The following IMMP2L variants were observed in gnomAD, a reference collection of about 807,000 sequenced individuals.
IMMP2L encodes the protein inner mitochondrial membrane peptidase subunit 2.
Under a neutral mutation model 19.3 loss-of-function variants are expected in IMMP2L, and 18 were observed. That is an observed-to-expected ratio of 0.93 (90% confidence interval 0.64 to 1.38). The LOEUF (loss-of-function observed/expected upper bound fraction) is 1.38, where lower values mean the gene tolerates loss of function less well. Ranked by LOEUF, IMMP2L falls within the 40% of genes most tolerant of loss-of-function variation. The pLI is 0.00. For synonymous variants in IMMP2L, 76 were observed against 73.0 expected (o/e 1.04, Z -0.21); for missense variants, 233 against 218.2 (o/e 1.07, Z -0.43).
chr7:111,492,587 A>G (rs10251897), intron 2 of IMMP2L, among the ~76,000 whole-genome samples: 15,904 of 152,234 alleles, frequency 0.1, 1,137 homozygotes, highest in African/African-American at 0.19. Flanking sequence ...TGTTCCAACA[A>G]TGGGGATAGA....
intron 3 of IMMP2L, among the ~76,000 whole-genome samples, chr7:111,412,138 C>T (rs113306496): frequency 2.6e-5 from 4 of 151,586 alleles, no homozygotes; most frequent in African/African-American, 9.7e-5. Flanking sequence ...TATTTATGCA[C>T]CTAATAATGA....
At chr7:110,815,901 T>A (rs1247518997) in intron 5 of IMMP2L, among the ~76,000 whole-genome samples, 1 of 152,152 alleles carries the variant, frequency 6.6e-6, no homozygotes, top group East Asian at 1.9e-4. Context: ...ATTTTCTTGA[T>A]CTTTTCAAAA....
intron 4 of IMMP2L, among the ~76,000 whole-genome samples, chr7:110,931,051 G>T (rs993377072): frequency 6.6e-6 from 1 of 152,280 alleles, no homozygotes; most frequent in Non-Finnish European, 1.5e-5. Flanking sequence ...CTGAGGACAG[G>T]AGTGAGAGTT....
At chr7:111,162,351 A>G (rs1309307542) in intron 3 of IMMP2L, among the ~76,000 whole-genome samples, 1 of 152,118 alleles carries the variant, frequency 6.6e-6, no homozygotes, top group Non-Finnish European at 1.5e-5. Flanking sequence ...ACTCATCTCA[A>G]GGAGCAATGA....
At chr7:111,485,906 T>C (rs1842619065) in intron 3 of IMMP2L, among the ~76,000 whole-genome samples, 1 of 152,056 alleles carries the variant, frequency 6.6e-6, no homozygotes, top group African/African-American at 2.4e-5. Context: ...TACTGCACAA[T>C]TGTCTGCGTA....
chr7:111,300,891 C>A (rs1180844473), intron 3 of IMMP2L, among the ~76,000 whole-genome samples: 1 of 152,078 alleles, frequency 6.6e-6, no homozygotes, highest in Non-Finnish European at 1.5e-5. Context: ...AATAAAGTTG[C>A]TACAAACATT....
chr7:111,329,200 A>C (rs1165694600), intron 3 of IMMP2L, among the ~76,000 whole-genome samples: 2 of 151,870 alleles, frequency 1.3e-5, no homozygotes, highest in African/African-American at 2.4e-5. Flanking sequence ...GATTCTAGGC[A>C]GCTGAAGCTG....
chr7:110,832,680 T>C (rs1804077933), intron 5 of IMMP2L, among the ~76,000 whole-genome samples: 1 of 152,156 alleles, frequency 6.6e-6, no homozygotes, highest in Admixed American at 6.5e-5. Context: ...CACATAGTGA[T>C]AATAATAAAA....
At chr7:111,034,646 A>C (rs1585870885) in intron 3 of IMMP2L, among the ~76,000 whole-genome samples, 1 of 152,246 alleles carries the variant, frequency 6.6e-6, no homozygotes, top group East Asian at 1.9e-4. Context: ...CTAGGGATTA[A>C]GTTTGTACCA....
intron 3 of IMMP2L, among the ~76,000 whole-genome samples, chr7:110,981,440 C>A (rs1821287533): frequency 6.6e-6 from 1 of 151,446 alleles, no homozygotes; most frequent in Non-Finnish European, 1.5e-5. Context: ...TAAGAATGGG[C>A]CTGCTGAAAT....
intron 3 of IMMP2L, among the ~76,000 whole-genome samples, chr7:111,016,902 T>TAC (rs1825746248): frequency 1.1e-5 from 1 of 90,400 alleles, no homozygotes; most frequent in Non-Finnish European, 1.9e-5. Flanking sequence ...ATATATATTA[T>TAC]ATATAATTAT....
intron 3 of IMMP2L, among the ~76,000 whole-genome samples, chr7:110,980,850 G>A (rs1821226178): frequency 6.6e-6 from 1 of 152,118 alleles, no homozygotes; most frequent in Admixed American, 6.5e-5. Flanking sequence ...TGTGTATTAT[G>A]CCATGGCAGC....
At chr7:110,828,441 T>C (rs1202669256) in intron 5 of IMMP2L, among the ~76,000 whole-genome samples, 1 of 152,162 alleles carries the variant, frequency 6.6e-6, no homozygotes, top group East Asian at 1.9e-4. Flanking sequence ...TTGATCATTC[T>C]GGCACTCTGT....
chr7:111,215,834 C>T (rs1460548356), intron 3 of IMMP2L, among the ~76,000 whole-genome samples: 1 of 152,092 alleles, frequency 6.6e-6, no homozygotes, highest in Non-Finnish European at 1.5e-5. Flanking sequence ...TTCTTCATTT[C>T]TCATCTGTAA....
At chr7:111,126,984 T>C (rs1369967371) in intron 3 of IMMP2L, among the ~76,000 whole-genome samples, 1 of 152,212 alleles carries the variant, frequency 6.6e-6, no homozygotes, top group African/African-American at 2.4e-5. Context: ...TGTGATAGCA[T>C]GGACAGTTTC....
At chr7:111,273,914 C>G (rs1818745288) in intron 3 of IMMP2L, among the ~76,000 whole-genome samples, 1 of 152,044 alleles carries the variant, frequency 6.6e-6, no homozygotes, top group African/African-American at 2.4e-5. Flanking sequence ...ATAACAAACT[C>G]CATTTTTTAT....
intron 3 of IMMP2L, among the ~76,000 whole-genome samples, chr7:110,988,395 A>G (rs2129559142): frequency 6.6e-6 from 1 of 152,308 alleles, no homozygotes; most frequent in South Asian, 2.1e-4. Context: ...ATATCTTGGA[A>G]ACAGATCTAT....
chr7:111,475,882 T>C (rs1841674689), intron 3 of IMMP2L, among the ~76,000 whole-genome samples: 1 of 152,132 alleles, frequency 6.6e-6, no homozygotes, highest in Admixed American at 6.5e-5. Context: ...AAAGACCTGG[T>C]GTTCCAAGTC....
At chr7:110,733,059 G>T (rs945680779) in intron 5 of IMMP2L, among the ~76,000 whole-genome samples, 2 of 152,160 alleles carry the variant, frequency 1.3e-5, no homozygotes, top group African/African-American at 2.4e-5. Context: ...AAGATTACAG[G>T]TGTGAGCCAC....
Sources: allele counts gnomAD v4.1 joint callset (sites outside exome capture counted in the v4.1 genomes callset), GRCh38; gene constraint gnomAD v4.1.1; transcripts MANE v1.5; gene names NCBI Gene and HGNC (gene_info 2026-07-23, HGNC 2026-07-21).